The following EIF4ENIF1 variants were observed in gnomAD, a reference collection of about 807,000 sequenced individuals.
EIF4ENIF1 encodes the protein eukaryotic translation initiation factor 4E nuclear import factor 1.
EIF4ENIF1 carries 23 observed loss-of-function variants against 110.5 expected under a neutral mutation model. The observed-to-expected ratio is 0.21, with a 90% confidence interval of 0.15 to 0.29. EIF4ENIF1 has a LOEUF of 0.29. Among genes scored for constraint, EIF4ENIF1 ranks in the 10% least tolerant of loss-of-function variants. The probability of loss-of-function intolerance (pLI) is 1.00; values close to 1 mark genes in which losing one functional copy is unlikely to be tolerated. For synonymous variants in EIF4ENIF1, 440 were observed against 437.0 expected, an observed-to-expected ratio of 1.01 and a Z score of -0.09; for missense variants, 1,031 against 1,221.1, an observed-to-expected ratio of 0.84 and a Z score of 2.32.
Position 31,466,642 on chromosome 22 carries a change from T to TGG in EIF4ENIF1, c.298+1531_298+1532dup, listed in dbSNP as rs59271217. ...CTTGCTTGGGAAGGGGGAAGTGTTGTGGGGGGGGCAGCTAAAGGGAGGGAC... is the reference window on the plus strand; with the variant it reads ...CTTGCTTGGGAAGGGGGAAGTGTTGTGGGGGGGGGGCAGCTAAAGGGAGGGAC... On this transcript the variant is annotated intron_variant, in intron 4 of 18. Transcript: ENST00000330125. 1.8e-3 allele frequency among the ~76,000 whole-genome samples: 102 copies of TGG among 55,616 alleles called. 1 individual carries two copies. Among genetic ancestry groups the TGG allele is most frequent in the East Asian group, 0.016 (27 of 1,666 alleles). 36.5% of individuals were successfully genotyped at this position (55,616 alleles called of 152,430 possible). A position where few individuals can be genotyped will look rare whatever the true frequency, so the allele number is the denominator to read the frequency against.
downstream of EIF4ENIF1, among the ~76,000 whole-genome samples, chr22:31,438,506 T>A (rs2050206233): frequency 6.6e-6 from 1 of 152,188 alleles, no homozygotes; most frequent in South Asian, 2.1e-4. Context: ...AAACATGATT[T>A]GTTTGAGAGA....
intron 2 of EIF4ENIF1, among the ~76,000 whole-genome samples, chr22:31,477,406 G>C (rs986155952): frequency 6.9e-6 from 1 of 144,710 alleles, no homozygotes; most frequent in Non-Finnish European, 1.5e-5. Context: ...ATTTGAAATT[G>C]AGAGGTTATT....
chr22:31,464,717 TA>T lies in EIF4ENIF1; in HGVS notation c.299-751del, dbSNP rs2051126503. Among the ~76,000 whole-genome samples the T allele has an allele frequency of 1.6e-4, 15 of 94,842 alleles. 1 individual carries two copies. Among genetic ancestry groups the T allele is most frequent in the Middle Eastern group, 0.013 (2 of 152 alleles). 62.2% of individuals were successfully genotyped at this position (94,842 alleles called of 152,430 possible). On this transcript the variant is annotated intron_variant, in intron 4 of 18. Coordinates refer to ENST00000330125, the MANE Select transcript of EIF4ENIF1 (RefSeq NM_019843.4). Reference sequence around the variant, plus strand: ...AAAAAAAAATATATATATATATATATATATATATAAACAGATATATACAAAA... The same window carrying T: ...AAAAAAAAATATATATATATATATATTATATATAAACAGATATATACAAAA...
intron 2 of EIF4ENIF1, among the ~76,000 whole-genome samples, chr22:31,473,323 C>T (rs2069191668): frequency 6.6e-6 from 1 of 152,144 alleles, no homozygotes; most frequent in African/African-American, 2.4e-5. Context: ...AAGACTTCTG[C>T]AGACCCAAGT....
chr22:31,464,824 T>A (rs1374179249), intron 4 of EIF4ENIF1, among the ~76,000 whole-genome samples: 19 of 149,084 alleles, frequency 1.3e-4, no homozygotes. Flanking sequence ...AGGAAATCCT[T>A]GTGGCACTGG....
chr22:31,479,886 A>C (rs1427197124), intron 2 of EIF4ENIF1, among the ~76,000 whole-genome samples: 2 of 151,592 alleles, frequency 1.3e-5, no homozygotes, highest in East Asian at 3.9e-4. Flanking sequence ...TAATTTAAAA[A>C]ATTTTTTGTA....
chr22:31,440,877 C>CAGA lies in EIF4ENIF1; in HGVS notation c.2552-12_2552-10dup, dbSNP rs2050271798. 1.9e-6 allele frequency: 3 copies of CAGA among 1,613,502 alleles called. No individual in the cohort carries two copies. In the African/African-American group the frequency reaches 4.0e-5, roughly 22 times the overall value. On this transcript the variant is annotated splice_polypyrimidine_tract_variant and intron_variant, in intron 17 of 18. Coordinates refer to ENST00000330125, the MANE Select transcript of EIF4ENIF1 (RefSeq NM_019843.4). ...CCCAGGAGGAAGCACACCTGTTGAG[C>CAGA]AGAAAAAGCAAGCAGCTGAGTAGTC...
At chr22:31,441,602 T>C (rs1327281518) in intron 17 of EIF4ENIF1, among the ~76,000 whole-genome samples, 172 bp downstream of exon 17, 1 of 150,766 alleles carries the variant, frequency 6.6e-6, no homozygotes, top group East Asian at 1.9e-4. Flanking sequence ...CCTAATCTTT[T>C]AAAGGACTAG....
intron 6 of EIF4ENIF1, among the ~76,000 whole-genome samples, chr22:31,460,908 G>A (rs1418331576): frequency 1.3e-5 from 2 of 152,172 alleles, no homozygotes; most frequent in African/African-American, 4.8e-5. Context: ...TCGTGCCACT[G>A]CACTCCAGCC....
chr22:31,454,291 A>C lies in EIF4ENIF1; in HGVS notation c.1365T>G (p.Thr455=). 1 of 1,614,064 alleles carries C rather than the reference A, an allele frequency of 6.2e-7. No individual in the cohort carries two copies. ...LKVDQQVKNS[T]PFMAEHLEET... ...CTTCTAGGTGTTCTGCCATGAAGGG[A>C]GTTGAATTCTTCACTTGCTGGTCAA... The change falls in exon 10 of 19, where the codon ACT becomes ACG. Residue 455 remains threonine, a synonymous_variant. Transcript: ENST00000330125.
chr22:31,481,245 C>T (rs919627261), intron 2 of EIF4ENIF1, among the ~76,000 whole-genome samples: 5 of 152,090 alleles, frequency 3.3e-5, no homozygotes, highest in African/African-American at 4.8e-5. Flanking sequence ...TCACTGCAAG[C>T]TCAACTTCCC....
chr22:31,458,771 G>C (rs1009056868), intron 6 of EIF4ENIF1, 121 bp from the exon 7 acceptor site: 2 of 853,752 alleles, frequency 2.3e-6, no homozygotes, highest in South Asian at 5.4e-5. Context: ...CAGACTTCTC[G>C]TGCAGGTACT....
In EIF4ENIF1 at chr22:31,441,756, G is replaced by A; in HGVS notation, c.2551+18C>T. 1 of 1,594,172 alleles carries A rather than the reference G, an allele frequency of 6.3e-7. No homozygotes were observed. The highest frequency in any genetic ancestry group is 1.1e-5 in the South Asian group (1 of 88,726). On this transcript the variant is annotated intron_variant, in intron 17 of 18. Coordinates refer to ENST00000330125, the MANE Select transcript of EIF4ENIF1 (RefSeq NM_019843.4). ...AGGCCCACAAACTGACGACACCCAA[G>A]TCAGGCTGGAAACTCACCAGTTTGG...
chr22:31,442,825 G>C, intron 16 of EIF4ENIF1, 137 bp downstream of exon 16: 1 of 1,175,894 alleles, frequency 8.5e-7, no homozygotes, highest in South Asian at 1.5e-5. Context: ...CCTTCTCACT[G>C]ACACAGAACC....
downstream of EIF4ENIF1, among the ~76,000 whole-genome samples, chr22:31,438,590 A>G (rs1196424945): frequency 2.0e-5 from 3 of 152,200 alleles, 1 homozygote; most frequent in Admixed American, 2.0e-4. Context: ...AAATTACACT[A>G]TAGATATCCT....
downstream of EIF4ENIF1, chr22:31,437,465 C>T (rs1451774897): frequency 1.4e-5 from 2 of 138,002 alleles, no homozygotes; most frequent in Non-Finnish European, 3.1e-5. Flanking sequence ...CCCCCACCCT[C>T]CCGCTTCCTC....
chr22:31,452,020 A>G (rs563582327), intron 10 of EIF4ENIF1, among the ~76,000 whole-genome samples: 11 of 152,312 alleles, frequency 7.2e-5, no homozygotes, highest in African/African-American at 2.6e-4. Flanking sequence ...TTTATAAGTA[A>G]TCTCTTTAAG....
chr22:31,472,406 T>G (rs1555910039), intron 2 of EIF4ENIF1, among the ~76,000 whole-genome samples: 1 of 152,070 alleles, frequency 6.6e-6, no homozygotes, highest in Non-Finnish European at 1.5e-5. Flanking sequence ...GTGGCTGGAA[T>G]TACAGGCACA....
intron 11 of EIF4ENIF1, among the ~76,000 whole-genome samples, chr22:31,449,860 A>T (rs2050594137): frequency 6.6e-6 from 1 of 151,068 alleles, no homozygotes; most frequent in Non-Finnish European, 1.5e-5. Flanking sequence ...CCTCCTAAGG[A>T]GTTGGGATTA....
Sources: allele counts gnomAD v4.1 joint callset (sites outside exome capture counted in the v4.1 genomes callset), GRCh38; gene constraint gnomAD v4.1.1; transcripts MANE v1.5; gene names NCBI Gene and HGNC (gene_info 2026-07-23, HGNC 2026-07-21).